SLC12A2: variants seen among roughly 807,000 people sequenced by gnomAD.
SLC12A2 encodes solute carrier family 12 member 2.
A neutral mutation model predicts 136.3 loss-of-function variants in SLC12A2; 67 were observed. The ratio of observed to expected loss-of-function variants is 0.49; its 90% CI spans 0.40 to 0.60. The LOEUF (loss-of-function observed/expected upper bound fraction) is 0.60, where lower values mean the gene tolerates loss of function less well. Ranked by LOEUF, SLC12A2 falls within the 20% of genes least tolerant of loss-of-function variation. The probability of loss-of-function intolerance (pLI) is 0.00; values close to 1 mark genes in which losing one functional copy is unlikely to be tolerated. For missense variants in SLC12A2, 1,322 were observed against 1,534.7 expected (o/e 0.86, Z 2.32); for synonymous variants, 619 against 562.9 (o/e 1.10, Z -1.41).
intron 4 of SLC12A2, among the ~76,000 whole-genome samples, chr5:128,121,016 G>A (rs1406356479): frequency 6.6e-6 from 1 of 152,072 alleles, no homozygotes; most frequent in Non-Finnish European, 1.5e-5. Flanking sequence ...TTGCAGCTTT[G>A]CGGAAGTGTG....
chr5:128,107,599 A>G (rs2001524), intron 1 of SLC12A2, among the ~76,000 whole-genome samples: 72,501 of 152,046 alleles, frequency 0.48, 18,452 homozygotes, highest in Non-Finnish European at 0.56. Context: ...AGCTTCATCC[A>G]TGTCCCTGCA....
chr5:128,147,045 G>A (rs1762550366), intron 10 of SLC12A2, among the ~76,000 whole-genome samples: 2 of 146,966 alleles, frequency 1.4e-5, no homozygotes, highest in Non-Finnish European at 3.0e-5. Flanking sequence ...GATTGAAAAA[G>A]ACTGAAGAGA....
intron 19 of SLC12A2, among the ~76,000 whole-genome samples, chr5:128,172,095 A>G (rs1298771522): frequency 1.3e-5 from 2 of 152,148 alleles, no homozygotes. Context: ...ATCATTAGAC[A>G]TTTTCATATT....
intron 1 of SLC12A2, among the ~76,000 whole-genome samples, chr5:128,102,700 C>A (rs541808237): frequency 3.5e-5 from 5 of 143,734 alleles, no homozygotes; most frequent in African/African-American, 1.3e-4. Flanking sequence ...GCAGCCTCAA[C>A]CTCCTGGGCT....
intron 20 of SLC12A2, among the ~76,000 whole-genome samples, chr5:128,176,350 G>A (rs1286217367): frequency 3.9e-5 from 6 of 151,956 alleles, no homozygotes. Context: ...CAATCTTGCA[G>A]CCTAACTCCA....
intron 19 of SLC12A2, among the ~76,000 whole-genome samples, chr5:128,172,967 A>C (rs1390283941): frequency 6.6e-6 from 1 of 151,896 alleles, no homozygotes; most frequent in Non-Finnish European, 1.5e-5. Context: ...AAAAAACAAA[A>C]AACAAAAAAC....
At position 128,114,304 on chromosome 5, in the gene SLC12A2, C is replaced by T; in HGVS notation, c.952+17C>T. On this transcript the variant is annotated intron_variant, in intron 3 of 26. Transcript: ENST00000262461. ...CTGGAATAGGTAAGTGAAGTTATATCCTGCTTGATTTGAGAATAAGCAAAA... is the reference window on the plus strand; with the variant it reads ...CTGGAATAGGTAAGTGAAGTTATATTCTGCTTGATTTGAGAATAAGCAAAA... 1 of 1,592,082 alleles carries T rather than the reference C, an allele frequency of 6.3e-7. No individual in the cohort carries two copies.
chr5:128,153,026 T>TTTAATTTTA (rs1762754183), intron 15 of SLC12A2, among the ~76,000 whole-genome samples: 1 of 152,228 alleles, frequency 6.6e-6, no homozygotes, highest in Non-Finnish European at 1.5e-5. Flanking sequence ...ATGATGGGTA[T>TTTAATTTTA]GATAAAGTCA....
chr5:128,142,158 G>A (rs751015733), intron 10 of SLC12A2, among the ~76,000 whole-genome samples, 177 bp downstream of exon 10: 7 of 152,002 alleles, frequency 4.6e-5, no homozygotes, highest in Middle Eastern at 3.2e-3. Context: ...GCTGTAGTGC[G>A]GTGGTGCTAT....
intron 1 of SLC12A2, among the ~76,000 whole-genome samples, chr5:128,104,930 A>C (rs931463156): frequency 6.6e-6 from 1 of 152,128 alleles, no homozygotes; most frequent in Non-Finnish European, 1.5e-5. Context: ...GCTTCTGTAG[A>C]TTTGGGAACA....
chr5:128,095,084 A>G (rs1193423513), intron 1 of SLC12A2, among the ~76,000 whole-genome samples: 1 of 152,174 alleles, frequency 6.6e-6, no homozygotes, highest in Non-Finnish European at 1.5e-5. Context: ...TAAAGTCATT[A>G]GAGAGTCTAA....
rs777663327 is a variant in SLC12A2, at chr5:128,186,639, A to G, written c.*8A>G. The G allele has an allele frequency of 5.6e-6, 9 of 1,613,738 alleles. No homozygotes were observed. Among genetic ancestry groups the G allele is most frequent in the South Asian group, 2.2e-5 (2 of 91,044 alleles). On this transcript the variant is annotated 3_prime_UTR_variant, in exon 27 of 27. Coordinates refer to ENST00000262461, the MANE Select transcript of SLC12A2 (RefSeq NM_001046.3). ...CTTACCTTCTATTCATAAATGTTCTATACAGTGGACAGCCCTCCAGAATGG... is the reference window on the plus strand; with the variant it reads ...CTTACCTTCTATTCATAAATGTTCTGTACAGTGGACAGCCCTCCAGAATGG...
At chr5:128,132,805 T>G (rs1314083826) in intron 5 of SLC12A2, among the ~76,000 whole-genome samples, 4 of 152,206 alleles carry the variant, frequency 2.6e-5, no homozygotes, top group African/African-American at 4.8e-5. Flanking sequence ...AGAGTTTATA[T>G]TCTTTCATTG....
At position 128,109,082 on chromosome 5, in the gene SLC12A2, T is replaced by A. The variant is rs79116255; in HGVS notation, c.757-3732T>A. Among the ~76,000 whole-genome samples, 844 of 152,394 alleles carry A rather than the reference T, an allele frequency of 5.5e-3. 3 individuals carry two copies. The highest frequency in any genetic ancestry group is 0.024 in the Middle Eastern group (7 of 294). On this transcript the variant is annotated intron_variant, in intron 1 of 26. Coordinates refer to ENST00000262461, the MANE Select transcript of SLC12A2 (RefSeq NM_001046.3). ...TTAAAATGACTCATTTTCCATGTAT[T>A]TCACATAGCTGAGGTTATAGCTATG...
At chr5:128,149,896 A>G in intron 12 of SLC12A2, 101 bp from the exon 13 acceptor site, 1 of 783,198 alleles carries the variant, frequency 1.3e-6, no homozygotes. Flanking sequence ...GATGGTGGTT[A>G]TGGGGTGTTA....
intron 20 of SLC12A2, 23 bp downstream of exon 20, chr5:128,174,689 G>A (rs1210842415): frequency 6.6e-7 from 1 of 1,523,540 alleles, no homozygotes; most frequent in Non-Finnish European, 8.9e-7. Context: ...CAAACAATAA[G>A]TCTTATTAAT....
chr5:128,135,408 G>A (rs898687588), intron 6 of SLC12A2, among the ~76,000 whole-genome samples: 1 of 152,048 alleles, frequency 6.6e-6, no homozygotes, highest in Non-Finnish European at 1.5e-5. Context: ...GGAATTTACA[G>A]TGCTTTATGG....
chr5:128,186,910 G>A lies in SLC12A2; in HGVS notation c.*279G>A, dbSNP rs892030248. 12 of 267,098 alleles carry A rather than the reference G, an allele frequency of 4.5e-5. No homozygotes were observed. Among genetic ancestry groups the A allele is most frequent in the Non-Finnish European group, 7.8e-5 (11 of 141,414 alleles). 16.5% of individuals were successfully genotyped at this position (267,098 alleles called of 1,614,324 possible). A position where few individuals can be genotyped will look rare whatever the true frequency, so the allele number is the denominator to read the frequency against. On this transcript the variant is annotated 3_prime_UTR_variant, in exon 27 of 27. Coordinates refer to ENST00000262461, the MANE Select transcript of SLC12A2 (RefSeq NM_001046.3). ...TTGCTACTTGAATAGCAATAAAAGCGTGTTAACTTTTTGATTGATGAAAGA... is the reference window on the plus strand; with the variant it reads ...TTGCTACTTGAATAGCAATAAAAGCATGTTAACTTTTTGATTGATGAAAGA...
intron 1 of SLC12A2, among the ~76,000 whole-genome samples, chr5:128,105,828 TTTTTC>T (rs1386899154): frequency 6.6e-6 from 1 of 152,158 alleles, no homozygotes; most frequent in Non-Finnish European, 1.5e-5. Context: ...ATGGTTTCTG[TTTTTC>T]TTTTCATCTG....
Sources: allele counts gnomAD v4.1 joint callset (sites outside exome capture counted in the v4.1 genomes callset), GRCh38; gene constraint gnomAD v4.1.1; transcripts MANE v1.5; gene names NCBI Gene and HGNC (gene_info 2026-07-23, HGNC 2026-07-21).